SHTN1: variants seen among roughly 807,000 people sequenced by gnomAD.
The protein encoded by SHTN1 is shootin 1, also known as shootin-1.
In SHTN1, 42 loss-of-function variants were observed where a neutral mutation model predicts 83.1. The ratio of observed to expected loss-of-function variants is 0.51; its 90% CI spans 0.39 to 0.65. The LOEUF (loss-of-function observed/expected upper bound fraction) is 0.65. Ranked by LOEUF, SHTN1 falls within the 30% of genes least tolerant of loss-of-function variation. The pLI, the probability that SHTN1 is intolerant of heterozygous loss-of-function variation, is 0.00. For missense variants in SHTN1, 622 were observed against 737.8 expected (o/e 0.84, Z 1.82); for synonymous variants, 224 against 247.7 (o/e 0.90, Z 0.90).
At chr10:116,944,768 G>A (rs1356075798) in intron 8 of SHTN1, among the ~76,000 whole-genome samples, 156 bp downstream of exon 8, 1 of 152,106 alleles carries the variant, frequency 6.6e-6, no homozygotes, top group Non-Finnish European at 1.5e-5. Flanking sequence ...GCGTGTGCCT[G>A]TAATCCCAGC....
At chr10:116,922,810 T>G (rs1848610749) in intron 11 of SHTN1, among the ~76,000 whole-genome samples, 3 of 151,746 alleles carry the variant, frequency 2.0e-5, no homozygotes, top group African/African-American at 7.3e-5. Flanking sequence ...ACTAAAAATA[T>G]GAAAAAATTA....
chr10:116,904,973 G>A (rs1267673146), intron 15 of SHTN1, among the ~76,000 whole-genome samples: 5 of 151,184 alleles, frequency 3.3e-5, no homozygotes, highest in South Asian at 4.4e-4. Flanking sequence ...AGGCCGAGGC[G>A]GGTGGATCAT....
At chr10:116,993,343 G>C (rs1414850718) in intron 1 of SHTN1, among the ~76,000 whole-genome samples, 1 of 151,918 alleles carries the variant, frequency 6.6e-6, no homozygotes, top group Non-Finnish European at 1.5e-5. Context: ...ATATGTTGTA[G>C]GTTGTTCTTA....
chr10:117,055,545 G>T (rs1898351), intron 1 of SHTN1, among the ~76,000 whole-genome samples: 99,040 of 151,882 alleles, frequency 0.65, 36,062 homozygotes, highest in Middle Eastern at 0.84. Flanking sequence ...CACTGTGAGT[G>T]TACTAAATGC....
chr10:117,070,844 T>C (rs923526030), intron 1 of SHTN1, among the ~76,000 whole-genome samples: 2 of 151,698 alleles, frequency 1.3e-5, no homozygotes, highest in African/African-American at 4.8e-5. Context: ...AGGGATAAAG[T>C]GGAGGGAGAA....
chr10:117,004,009 T>C lies in SHTN1; in HGVS notation c.58+1013A>G, dbSNP rs372351814. On this transcript the variant is annotated intron_variant, in intron 1 of 16. Transcript: ENST00000355371. ...TCCTGGCGATTCTCCTGCCTCAGCC[T>C]CCCGGGTAGCTGGGATTACAGGCAT... Among the ~76,000 whole-genome samples, 637 of 152,272 alleles carry C rather than the reference T, an allele frequency of 4.2e-3. 7 individuals are homozygous for C. Among genetic ancestry groups the C allele is most frequent in the African/African-American group, 0.015 (605 of 41,560 alleles).
intron 2 of SHTN1, among the ~76,000 whole-genome samples, chr10:117,019,850 A>G (rs1222727014): frequency 6.6e-6 from 1 of 151,846 alleles, no homozygotes; most frequent in Non-Finnish European, 1.5e-5. Flanking sequence ...AGAGAAAAAG[A>G]AAAGGAAAAC....
chr10:117,086,215 T>C (rs981968072), intron 1 of SHTN1, among the ~76,000 whole-genome samples: 12 of 152,128 alleles, frequency 7.9e-5, no homozygotes, highest in Non-Finnish European at 1.3e-4. Context: ...ACCGCGTCCA[T>C]CATGAGCCAC....
chr10:116,904,699 T>C (rs1477420295), intron 15 of SHTN1, among the ~76,000 whole-genome samples: 1 of 152,224 alleles, frequency 6.6e-6, no homozygotes, highest in Non-Finnish European at 1.5e-5. Context: ...CTTTCTGTAC[T>C]CTGAATTATT....
chr10:117,012,672 C>A (rs558261900), intron 2 of SHTN1, among the ~76,000 whole-genome samples: 3 of 152,100 alleles, frequency 2.0e-5, no homozygotes, highest in South Asian at 2.1e-4. Context: ...AGAGAAAAAA[C>A]CGTGTAACCT....
intron 1 of SHTN1, among the ~76,000 whole-genome samples, chr10:117,101,416 T>G (rs1050384085): frequency 6.6e-6 from 1 of 152,118 alleles, no homozygotes; most frequent in Non-Finnish European, 1.5e-5. Flanking sequence ...TGGTTCAGCA[T>G]CCAAGGGATA....
At chr10:116,907,777 A>G in intron 14 of SHTN1, 1 of 455,524 alleles carries the variant, frequency 2.2e-6, no homozygotes, top group South Asian at 1.6e-5. Flanking sequence ...AAGAACCTCA[A>G]GTCTGGTATA....
intron 1 of SHTN1, among the ~76,000 whole-genome samples, chr10:116,993,384 C>T (rs1851514745): frequency 6.6e-6 from 1 of 152,082 alleles, no homozygotes; most frequent in Non-Finnish European, 1.5e-5. Flanking sequence ...AGAAATTTCA[C>T]ATTGGCTTAA....
chr10:117,125,603 A>C (rs969467183), intron 1 of SHTN1, among the ~76,000 whole-genome samples: 1 of 152,010 alleles, frequency 6.6e-6, no homozygotes, highest in African/African-American at 2.4e-5. Flanking sequence ...GCCACTTTGC[A>C]AGCCTTATCT....
At chr10:116,950,895 G>A (rs1382033175) in intron 6 of SHTN1, among the ~76,000 whole-genome samples, 2 of 152,172 alleles carry the variant, frequency 1.3e-5, no homozygotes, top group Non-Finnish European at 2.9e-5. Flanking sequence ...GACAATATGT[G>A]TGTGCAAACT....
At chr10:116,908,454 C>T (rs1176824299) in intron 14 of SHTN1, among the ~76,000 whole-genome samples, 1 of 152,066 alleles carries the variant, frequency 6.6e-6, no homozygotes, top group Non-Finnish European at 1.5e-5. Flanking sequence ...AAAATAGAAC[C>T]ATAGCCACTT....
At chr10:116,923,550 CCTTT>C (rs1327614478) in intron 11 of SHTN1, among the ~76,000 whole-genome samples, 7 of 150,850 alleles carry the variant, frequency 4.6e-5, no homozygotes, top group Admixed American at 1.3e-4. Context: ...CCCAATGCTT[CCTTT>C]CTTTCCTTTT....
chr10:117,077,934 A>G (rs1303445679), intron 1 of SHTN1, among the ~76,000 whole-genome samples: 1 of 152,224 alleles, frequency 6.6e-6, no homozygotes, highest in East Asian at 1.9e-4. Context: ...CATTTTAAGA[A>G]GAGACGCAGC....
chr10:116,943,486 A>G (rs540766790), intron 8 of SHTN1, among the ~76,000 whole-genome samples: 1 of 152,120 alleles, frequency 6.6e-6, no homozygotes, highest in South Asian at 2.1e-4. Context: ...TGTTTATTTC[A>G]CTGCATTATT....
Sources: allele counts gnomAD v4.1 joint callset (sites outside exome capture counted in the v4.1 genomes callset), GRCh38; gene constraint gnomAD v4.1.1; transcripts MANE v1.5; gene names NCBI Gene and HGNC (gene_info 2026-07-23, HGNC 2026-07-21).